NTM: variants seen among roughly 807,000 people sequenced by gnomAD.
NTM encodes the protein IgLON family member 2.
NTM carries 13 observed loss-of-function variants against 42.1 expected under a neutral mutation model. That is an observed-to-expected ratio of 0.31 (90% CI 0.20 to 0.49). The LOEUF (loss-of-function observed/expected upper bound fraction) is 0.49, where lower values mean the gene tolerates loss of function less well. Among genes scored for constraint, NTM ranks in the 20% least tolerant of loss-of-function variants. NTM has a pLI of 0.99. For missense variants in NTM, 373 were observed against 452.8 expected, an observed-to-expected ratio of 0.82 and a Z score of 1.60; for synonymous variants, 187 against 179.2, an observed-to-expected ratio of 1.04 and a Z score of -0.35.
intron 8 of NTM, 150 bp from the exon 9 acceptor site, chr11:132,334,896 C>A: frequency 7.5e-7 from 1 of 1,332,588 alleles, no homozygotes; most frequent in Non-Finnish European, 1.0e-6. Context: ...ATAGAACGTT[C>A]ACTTCTAATG....
intron 4 of NTM, among the ~76,000 whole-genome samples, chr11:132,213,124 T>C (rs1346528534): frequency 6.6e-6 from 1 of 152,166 alleles, no homozygotes; most frequent in Non-Finnish European, 1.5e-5. Context: ...TTATTGCTGA[T>C]TAATGTGAAA....
chr11:132,227,593 C>G (rs553956822), intron 4 of NTM, among the ~76,000 whole-genome samples: 1 of 151,982 alleles, frequency 6.6e-6, no homozygotes, highest in African/African-American at 2.4e-5. Flanking sequence ...GTTGTTCCTC[C>G]TCCTCAAATA....
At chr11:131,977,785 G>A (rs1351198534) in intron 2 of NTM, among the ~76,000 whole-genome samples, 2 of 148,146 alleles carry the variant, frequency 1.4e-5, no homozygotes, top group East Asian at 3.9e-4. Flanking sequence ...TGAGTTTCTC[G>A]AAGAAAAGGA....
At chr11:131,772,965 G>A (rs1351127970) in intron 1 of NTM, among the ~76,000 whole-genome samples, 1 of 152,192 alleles carries the variant, frequency 6.6e-6, no homozygotes, top group Non-Finnish European at 1.5e-5. Flanking sequence ...AGACATTTAT[G>A]GCTGCGACAT....
intron 1 of NTM, among the ~76,000 whole-genome samples, chr11:131,855,847 G>T (rs1484176538): frequency 6.6e-6 from 1 of 152,130 alleles, no homozygotes; most frequent in Non-Finnish European, 1.5e-5. Context: ...CTTCCTTGGG[G>T]TAAGGACTGT....
chr11:131,465,224 G>T (rs1323179470), intron 1 of NTM, among the ~76,000 whole-genome samples: 3 of 152,154 alleles, frequency 2.0e-5, no homozygotes, highest in Non-Finnish European at 2.9e-5. Context: ...TGGCGAGGTG[G>T]AGCTGCTTAG....
Position 131,823,307 on chromosome 11 carries a change from C to A in NTM, c.83-88257C>A, listed in dbSNP as rs188520331. On this transcript the variant is annotated intron_variant, in intron 1 of 8. Transcript: ENST00000683400. Reference sequence around the variant, plus strand: ...CATGTCCTCAGCCTTCAGCCTCTCACAGCTTTGTTGAATTCATCTAAATCT... The same window carrying A: ...CATGTCCTCAGCCTTCAGCCTCTCAAAGCTTTGTTGAATTCATCTAAATCT... Among the ~76,000 whole-genome samples, 13 of 152,324 alleles carry A rather than the reference C, an allele frequency of 8.5e-5. 1 individual carries two copies. The highest frequency in any genetic ancestry group is 2.6e-4 in the Admixed American group (4 of 15,298).
chr11:131,572,674 C>T (rs1177341671), intron 1 of NTM, among the ~76,000 whole-genome samples: 11 of 152,166 alleles, frequency 7.2e-5, no homozygotes, highest in African/African-American at 2.2e-4. Flanking sequence ...CTCAGACATC[C>T]CCACAGAGGC....
At chr11:132,205,566 T>G (rs2081869795) in intron 3 of NTM, among the ~76,000 whole-genome samples, 2 of 152,168 alleles carry the variant, frequency 1.3e-5, no homozygotes, top group African/African-American at 4.8e-5. Flanking sequence ...CTTCTGTCTT[T>G]CTTCCTAAAC....
chr11:131,916,947 C>T (rs1003828876), intron 2 of NTM, among the ~76,000 whole-genome samples: 2 of 152,200 alleles, frequency 1.3e-5, no homozygotes, highest in African/African-American at 4.8e-5. Context: ...TCATTTTGGC[C>T]TAAGCTCACA....
At chr11:131,936,589 A>G (rs1380210610) in intron 2 of NTM, among the ~76,000 whole-genome samples, 2 of 152,238 alleles carry the variant, frequency 1.3e-5, no homozygotes, top group Admixed American at 6.5e-5. Flanking sequence ...CTTCATCACT[A>G]TAAAATTCAT....
intron 1 of NTM, among the ~76,000 whole-genome samples, chr11:131,710,482 C>A (rs2077010689): frequency 6.6e-6 from 1 of 152,108 alleles, no homozygotes; most frequent in Admixed American, 6.5e-5. Context: ...TCTAGTGTTT[C>A]TCCAGCTCTG....
At chr11:131,513,550 C>G (rs530560974) in intron 1 of NTM, among the ~76,000 whole-genome samples, 2 of 152,320 alleles carry the variant, frequency 1.3e-5, no homozygotes, top group East Asian at 1.9e-4. Flanking sequence ...GGACTGAGAG[C>G]GGCTTCCTTC....
intron 2 of NTM, among the ~76,000 whole-genome samples, chr11:131,995,141 T>C (rs1339456481): frequency 6.6e-6 from 1 of 152,222 alleles, no homozygotes; most frequent in African/African-American, 2.4e-5. Flanking sequence ...GCCCAAGTCC[T>C]GCTTCAGTCA....
At chr11:131,870,470 T>A (rs1051560232) in intron 1 of NTM, among the ~76,000 whole-genome samples, 2 of 152,184 alleles carry the variant, frequency 1.3e-5, no homozygotes, top group African/African-American at 4.8e-5. Context: ...TTGTCCCGCC[T>A]GATGGGTGCC....
chr11:131,457,487 T>G (rs1413520253), intron 1 of NTM, among the ~76,000 whole-genome samples: 1 of 152,094 alleles, frequency 6.6e-6, no homozygotes, highest in Non-Finnish European at 1.5e-5. Flanking sequence ...TATCTTCCTC[T>G]GAGGAAGATG....
chr11:131,891,003 C>T (rs868311127), intron 1 of NTM, among the ~76,000 whole-genome samples: 5 of 152,232 alleles, frequency 3.3e-5, no homozygotes, highest in African/African-American at 7.2e-5. Flanking sequence ...GGAGAATGTG[C>T]GAATTTGTTT....
intron 1 of NTM, among the ~76,000 whole-genome samples, chr11:131,476,257 C>G (rs1296196962): frequency 6.6e-6 from 1 of 152,224 alleles, no homozygotes; most frequent in Non-Finnish European, 1.5e-5. Context: ...TCCATGCTAT[C>G]TACAGACTAC....
chr11:132,087,260 C>T (rs530317084), intron 2 of NTM, among the ~76,000 whole-genome samples: 44 of 152,244 alleles, frequency 2.9e-4, no homozygotes, highest in African/African-American at 9.9e-4. Flanking sequence ...CTTTTGCCCA[C>T]GTACTGCCTT....
Sources: gnomAD v4.1 joint callset for allele counts (sites outside exome capture counted in the v4.1 genomes callset) on GRCh38, gnomAD v4.1.1 for gene constraint, MANE v1.5 for transcripts, NCBI Gene and HGNC (gene_info 2026-07-23, HGNC 2026-07-21) for gene names.